ATP1A2: variants seen among roughly 807,000 people sequenced by gnomAD.
ATP1A2 encodes the protein ATPase Na+/K+ transporting subunit alpha 2, also known as sodium/potassium-transporting ATPase subunit alpha-2.
A neutral mutation model predicts 113.1 loss-of-function variants in ATP1A2; 56 were observed. The observed-to-expected ratio is 0.49, with a 90% CI of 0.40 to 0.62. The LOEUF (loss-of-function observed/expected upper bound fraction) is 0.62, where lower values mean the gene tolerates loss of function less well. Among genes scored for constraint, ATP1A2 ranks in the 20% least tolerant of loss-of-function variants. The probability of loss-of-function intolerance (pLI) is 0.00; values close to 1 mark genes in which losing one functional copy is unlikely to be tolerated. For synonymous variants in ATP1A2, 490 were observed against 526.8 expected (o/e 0.93, Z 0.96); for missense variants, 712 against 1,357.8 (o/e 0.52, Z 7.47).
Position 160,135,159 on chromosome 1 carries a change from G to T in ATP1A2, c.1979G>T (p.Cys660Phe). ...CCACCCTCCAGAGAAGCCAAGGCAT[G>T]CGTGGTGCACGGCTCTGACCTGAAG... Reference protein sequence around the residue: ...SQVNPREAKACVVHGSDLKDM... With the variant: ...SQVNPREAKAFVVHGSDLKDM... Residue 660 changes from cysteine to phenylalanine, a missense_variant, in exon 15 of 23, where the codon TGC becomes TTC. Cys to Phe is a radical substitution (Grantham distance 205). Transcript: ENST00000361216. This position sits in a 1 kb window ranked among gnomAD's most constrained non-coding sequence, Gnocchi z 6.3. 1 of 1,614,190 alleles carries T rather than the reference G, an allele frequency of 6.2e-7. No homozygotes were observed. Among genetic ancestry groups the T allele is most frequent in the Non-Finnish European group, 8.5e-7 (1 of 1,180,032 alleles).
Position 160,123,967 on chromosome 1 carries a change from G to T in ATP1A2, c.406G>T (p.Ala136Ser). ...DNLYLGVVLA[A>S]VVIVTGCFSY... ...GCTATATCTGGGTGTGGTGCTGGCA[G>T]CTGTGGTCATTGTCACTGGCTGCTT... Residue 136 changes from alanine to serine, a missense_variant, in exon 5 of 23, where the codon GCT becomes TCT. Ala to Ser is a moderately conservative substitution (Grantham distance 99). This residue lies in a region of ATP1A2 where 9 missense variants were observed against 42.6 expected (regional missense o/e 0.21). Coordinates refer to ENST00000361216, the MANE Select transcript of ATP1A2 (RefSeq NM_000702.4). 6.2e-7 allele frequency: 1 copy of T among 1,614,212 alleles called. No homozygotes were observed. The highest frequency in any genetic ancestry group is 8.5e-7 in the Non-Finnish European group (1 of 1,180,032).
At position 160,130,131 on chromosome 1, in the gene ATP1A2, C is replaced by G. The variant is rs774588047; in HGVS notation, c.1491C>G (p.Pro497=). 1 of 1,614,224 alleles carries G rather than the reference C, an allele frequency of 6.2e-7. No individual in the cohort carries two copies. ...CTATCCACGAGCGAGAAGACAGCCCCCAGAGCCACGTGCTGGTGATGAAGG... is the reference window on the plus strand; with the variant it reads ...CTATCCACGAGCGAGAAGACAGCCCGCAGAGCCACGTGCTGGTGATGAAGG... ...QLSIHEREDS[P]QSHVLVMKGA... is the part of the protein sequence containing the mutation. Residue 497 remains proline, a synonymous_variant, in exon 12 of 23, where the codon CCC becomes CCG. Coordinates refer to ENST00000361216, the MANE Select transcript of ATP1A2 (RefSeq NM_000702.4).
At chr1:160,137,557 G>C (rs969204328) in intron 20 of ATP1A2, among the ~76,000 whole-genome samples, 1 of 152,158 alleles carries the variant, frequency 6.6e-6, no homozygotes, top group Non-Finnish European at 1.5e-5. Flanking sequence ...ATGGATAAGA[G>C]GCCCCAAACA....
chr1:160,123,286 C>A lies in ATP1A2; in HGVS notation c.251C>A (p.Thr84Asn). 1 of 1,614,246 alleles carries A rather than the reference C, an allele frequency of 6.2e-7. No homozygotes were observed. The highest frequency in any genetic ancestry group is 1.7e-4 in the Middle Eastern group (1 of 6,060). The change falls in exon 4 of 23, where the codon ACC becomes AAC. Residue 84 changes from threonine (T) to asparagine (N), a missense_variant. By Grantham distance (65) the Thr-to-Asn change is moderately conservative (BLOSUM62 0). Coordinates refer to ENST00000361216, the MANE Select transcript of ATP1A2 (RefSeq NM_000702.4). ...AACGCCCTCACACCACCTCCCACAA[C>A]CCCTGAGTGGGTCAAGTTCTGCCGT... ...GPNALTPPPT[T>N]PEWVKFCRQL...
chr1:160,136,104 A>G (rs1381276086), intron 17 of ATP1A2, 111 bp downstream of exon 17: 10 of 1,601,286 alleles, frequency 6.2e-6, no homozygotes, highest in Non-Finnish European at 8.6e-6. Flanking sequence ...TACAGGAGAC[A>G]GGCACAGGCC....
chr1:160,120,853 G>A, intron 1 of ATP1A2, 53 bp from the exon 2 acceptor site: 2 of 1,534,638 alleles, frequency 1.3e-6, no homozygotes, highest in South Asian at 1.2e-5. Context: ...GGTGGGAATG[G>A]AGGCCCCAGC....
At chr1:160,140,816 A>G (rs1438946925) in intron 22 of ATP1A2, 1 of 186,210 alleles carries the variant, frequency 5.4e-6, no homozygotes, top group Non-Finnish European at 1.0e-5. Context: ...GCCCCAGCTC[A>G]CTGGACCTCC....
At chr1:160,134,336 C>A in intron 13 of ATP1A2, 148 bp from the exon 14 acceptor site, 1 of 1,128,904 alleles carries the variant, frequency 8.9e-7, no homozygotes, top group Non-Finnish European at 1.3e-6. Flanking sequence ...CCCCTGCCCA[C>A]AGACGCACAC....
intron 3 of ATP1A2, among the ~76,000 whole-genome samples, chr1:160,121,905 G>C (rs1163707342): frequency 6.6e-6 from 1 of 152,222 alleles, no homozygotes; most frequent in Non-Finnish European, 1.5e-5. Flanking sequence ...GCCAAGGCAG[G>C]CAGATCACTT....
At chr1:160,117,282 G>T (rs967017285) in intron 1 of ATP1A2, among the ~76,000 whole-genome samples, 1 of 152,164 alleles carries the variant, frequency 6.6e-6, no homozygotes, top group African/African-American at 2.4e-5. Context: ...CAGGACCTCT[G>T]AGAAGAGGCA....
Position 160,121,004 on chromosome 1 carries a change from G to T in ATP1A2, c.111G>T (p.Val37=). 6.2e-7 allele frequency: 1 copy of T among 1,614,080 alleles called. No homozygotes were observed. Among genetic ancestry groups the T allele is most frequent in the Non-Finnish European group, 8.5e-7 (1 of 1,179,952 alleles). ...EKELDELKKE[V]AMDDHKLSLD... is the part of the protein sequence containing the mutation. ...AACTGGATGAGCTGAAGAAGGAGGT[G>T]GCAATGGTGAGGGAACTGCTGGGCC... The change falls in exon 2 of 23, where the codon GTG becomes GTT. Residue 37 remains valine (V), a synonymous_variant. Transcript: ENST00000361216.
chr1:160,136,014 A>G (rs1440021261), intron 17 of ATP1A2, 21 bp downstream of exon 17: 13 of 1,613,846 alleles, frequency 8.1e-6, no homozygotes, highest in Non-Finnish European at 8.5e-6. Context: ...GAGGTGGAGG[A>G]GGGGACAGGC....
At chr1:160,129,749 C>T (rs372958316) in intron 11 of ATP1A2, among the ~76,000 whole-genome samples, 1 of 152,232 alleles carries the variant, frequency 6.6e-6, no homozygotes, top group African/African-American at 2.4e-5. Flanking sequence ...TGTTAAATGC[C>T]AAGAATGCAA....
chr1:160,134,743 A>T (rs1651881616), intron 14 of ATP1A2, 123 bp downstream of exon 14: 2 of 1,383,170 alleles, frequency 1.4e-6, no homozygotes, highest in African/African-American at 1.4e-5. Context: ...TACCTCTGAC[A>T]CTATTGTGAC....
intron 1 of ATP1A2, 55 bp from the exon 2 acceptor site, chr1:160,120,851 T>G (rs1570982864): frequency 1.3e-6 from 2 of 1,522,752 alleles, no homozygotes; most frequent in Non-Finnish European, 1.8e-6. Flanking sequence ...GTGGTGGGAA[T>G]GGAGGCCCCA....
In ATP1A2 at chr1:160,141,887, C is replaced by T. The variant is rs1652164271; in HGVS notation, c.*565C>T. 1 of 163,822 alleles carries T rather than the reference C, an allele frequency of 6.1e-6. No homozygotes were observed. The highest frequency in any genetic ancestry group is 1.4e-5 in the Non-Finnish European group (1 of 74,036). 10.1% of individuals were successfully genotyped at this position (163,822 alleles called of 1,614,324 possible). Reference sequence around the variant, plus strand: ...CCAGTCGAGGCTGGTAAGGGACCTTCAGGGAGAGCTGGGCAGACAGGTGGG... The same window carrying T: ...CCAGTCGAGGCTGGTAAGGGACCTTTAGGGAGAGCTGGGCAGACAGGTGGG... On this transcript the variant is annotated 3_prime_UTR_variant, in exon 23 of 23. Transcript: ENST00000361216.
chr1:160,128,383 C>T (rs1651652161), intron 8 of ATP1A2: 1 of 911,428 alleles, frequency 1.1e-6, no homozygotes, highest in Non-Finnish European at 1.7e-6. Context: ...GTGTTGATGA[C>T]TCAGACATCC....
In ATP1A2 at chr1:160,124,445, C is replaced by T. The variant is rs1457460497; in HGVS notation, c.630+15C>T. ...ATGGCTGTAAGGTGAGGAGGTCATA[C>T]CAGAGCAAGCAGTTGAGTCTAAGGA... On this transcript the variant is annotated intron_variant, in intron 6 of 22. Coordinates refer to ENST00000361216, the MANE Select transcript of ATP1A2 (RefSeq NM_000702.4). 1.3e-6 allele frequency: 2 copies of T among 1,597,418 alleles called. 1 individual carries two copies.
At chr1:160,120,539 C>T (rs1651359396) in intron 1 of ATP1A2, among the ~76,000 whole-genome samples, 1 of 152,180 alleles carries the variant, frequency 6.6e-6, no homozygotes, top group Non-Finnish European at 1.5e-5. Flanking sequence ...CCACTCCCTT[C>T]CAGAATTTTC....
Sources: gnomAD v4.1 joint callset for allele counts (sites outside exome capture counted in the v4.1 genomes callset) on GRCh38, gnomAD v4.1.1 for gene constraint, gnomAD v4.1.1 regional missense constraint, Gnocchi (gnomAD v3.1) non-coding constraint, MANE v1.5 for transcripts, NCBI Gene and HGNC (gene_info 2026-07-23, HGNC 2026-07-21) for gene names.